The following FAM184B variants were observed in gnomAD, a reference collection of about 807,000 sequenced individuals.
FAM184B encodes protein FAM184B.
FAM184B carries 111 observed loss-of-function variants against 135.9 expected under a neutral mutation model. The ratio of observed to expected loss-of-function variants is 0.82; its 90% CI spans 0.70 to 0.96. FAM184B has a LOEUF of 0.96. Ranked by LOEUF, FAM184B falls within the 40% of genes least tolerant of loss-of-function variation. FAM184B has a pLI of 0.00. For synonymous variants in FAM184B, 552 were observed against 524.8 expected (o/e 1.05, Z -0.71); for missense variants, 1,375 against 1,323.9 (o/e 1.04, Z -0.60).
Position 17,685,410 on chromosome 4 carries a change from G to A in FAM184B, c.1596+3014C>T, listed in dbSNP as rs754498186. Among the ~76,000 whole-genome samples the A allele has an allele frequency of 1.3e-4, 19 of 151,598 alleles. No homozygotes were observed. The East Asian group carries it at 1.7e-3, about 14-fold the overall frequency. On this transcript the variant is annotated intron_variant, in intron 7 of 17. Coordinates refer to ENST00000265018, the MANE Select transcript of FAM184B (RefSeq NM_015688.2). ...CTAAAAATACAAAAATTAGTCGGGC[G>A]TGGTGGTGTGCGCCTATAGTCCCAG...
intron 1 of FAM184B, among the ~76,000 whole-genome samples, chr4:17,769,046 A>G (rs12642589): frequency 0.41 from 62,613 of 151,610 alleles, 13,886 homozygotes; most frequent in Middle Eastern, 0.51. Flanking sequence ...CAGGTGATCC[A>G]CCCGCCTTGG....
At chr4:17,779,379 A>G (rs938059668) in intron 1 of FAM184B, among the ~76,000 whole-genome samples, 1 of 152,250 alleles carries the variant, frequency 6.6e-6, no homozygotes. Flanking sequence ...AAAATGGTAA[A>G]CAGACGCACT....
chr4:17,647,480 C>A (rs1715500677), intron 12 of FAM184B, among the ~76,000 whole-genome samples, 157 bp downstream of exon 12: 2 of 152,044 alleles, frequency 1.3e-5, no homozygotes, highest in Non-Finnish European at 2.9e-5. Context: ...GAAATCCTGG[C>A]CTCAAGTGGT....
intron 7 of FAM184B, among the ~76,000 whole-genome samples, chr4:17,684,081 AT>A (rs545250112): frequency 0.017 from 412 of 24,294 alleles, 2 homozygotes; most frequent in African/African-American, 0.043. Flanking sequence ...AATAATAATA[AT>A]AATAGTAATT....
In FAM184B at chr4:17,762,033, TG is replaced by T. The variant is rs1187955750; in HGVS notation, c.141+19125del. Among the ~76,000 whole-genome samples the T allele has an allele frequency of 6.3e-3, 960 of 152,316 alleles. 10 individuals are homozygous for T. The highest frequency in any genetic ancestry group is 0.022 in the African/African-American group (919 of 41,544). On this transcript the variant is annotated intron_variant, in intron 1 of 17. Coordinates refer to ENST00000265018, the MANE Select transcript of FAM184B (RefSeq NM_015688.2). ...CAGGGCTCTTCATTTTGTTTTGTTT[TG>T]TTTTGTTTTGATATGTCCTTCTCTT... is the stretch of plus-strand genomic sequence containing the variant.
intron 7 of FAM184B, among the ~76,000 whole-genome samples, chr4:17,674,461 G>A (rs1716265508): frequency 6.6e-6 from 1 of 152,150 alleles, no homozygotes; most frequent in African/African-American, 2.4e-5. Context: ...TTTTTGCTGT[G>A]AAAGGTCTTG....
At chr4:17,632,972 A>C in intron 17 of FAM184B, 1 of 181,356 alleles carries the variant, frequency 5.5e-6, no homozygotes, top group Non-Finnish European at 1.2e-5. Flanking sequence ...CCCAGGCTGG[A>C]GTGCAGTGGC....
At chr4:17,647,866 T>TGG in intron 11 of FAM184B, 75 bp from the exon 12 acceptor site, 1 of 1,399,572 alleles carries the variant, frequency 7.1e-7, no homozygotes, top group Non-Finnish European at 9.6e-7. Context: ...CAACAGTCTC[T>TGG]GGGGTGGGGT....
intron 15 of FAM184B, 58 bp downstream of exon 15, chr4:17,636,470 G>A (rs548562323): frequency 5.2e-6 from 7 of 1,338,286 alleles, no homozygotes; most frequent in South Asian, 3.8e-5. Context: ...CGCCCCTCCC[G>A]GGGGAGCCCG....
rs1483918255 is a variant in FAM184B, at chr4:17,773,494, C to T, written c.141+7665G>A. Among the ~76,000 whole-genome samples the T allele has an allele frequency of 2.0e-5, 3 of 152,286 alleles. No individual in the cohort carries two copies. The East Asian group carries it at 5.8e-4, about 29-fold the overall frequency. Reference sequence around the variant, plus strand: ...CCTGGGTACATTTCCTCTAGTTGGTCCAGATGAGAGGTAGTGCCCTGGTAT... The same window carrying T: ...CCTGGGTACATTTCCTCTAGTTGGTTCAGATGAGAGGTAGTGCCCTGGTAT... On this transcript the variant is annotated intron_variant, in intron 1 of 17. Coordinates refer to ENST00000265018, the MANE Select transcript of FAM184B (RefSeq NM_015688.2).
intron 12 of FAM184B, among the ~76,000 whole-genome samples, chr4:17,644,350 A>G (rs1231031128): frequency 1.3e-5 from 2 of 152,194 alleles, no homozygotes; most frequent in Non-Finnish European, 2.9e-5. Context: ...AAGACTGGCA[A>G]ACCAAATCCA....
intron 5 of FAM184B, among the ~76,000 whole-genome samples, chr4:17,697,576 G>A (rs1473333006): frequency 1.3e-5 from 2 of 152,112 alleles, no homozygotes; most frequent in Non-Finnish European, 2.9e-5. Flanking sequence ...CAGCAGCAAG[G>A]CCATCCCTTC....
chr4:17,773,142 C>G (rs1028410754), intron 1 of FAM184B, among the ~76,000 whole-genome samples: 1 of 152,182 alleles, frequency 6.6e-6, no homozygotes, highest in Non-Finnish European at 1.5e-5. Context: ...CGATGTTGGA[C>G]AAGAATACTG....
Position 17,642,038 on chromosome 4 carries a change from G to T in FAM184B, c.2519+18C>A, listed in dbSNP as rs546335744. 5.6e-5 allele frequency: 85 copies of T among 1,518,234 alleles called. No individual in the cohort carries two copies. The South Asian group carries it at 7.2e-4, about 13-fold the overall frequency. 94.0% of individuals were successfully genotyped at this position (1,518,234 alleles called of 1,614,324 possible). A position where few individuals can be genotyped will look rare whatever the true frequency, so the allele number is the denominator to read the frequency against. On this transcript the variant is annotated intron_variant, in intron 13 of 17. Transcript: ENST00000265018. ...GGGGTGAGGGTGGCGCGGTGGCGGG[G>T]CGCGCCGGGTCACCCACCTGCGCTG...
chr4:17,750,085 G>C (rs778322103), intron 1 of FAM184B, among the ~76,000 whole-genome samples: 1 of 152,016 alleles, frequency 6.6e-6, no homozygotes, highest in African/African-American at 2.4e-5. Context: ...TCCTATTTTG[G>C]ATTTTTCCCT....
chr4:17,711,084 G>A (rs540366450), intron 1 of FAM184B, among the ~76,000 whole-genome samples: 155 of 152,246 alleles, frequency 1.0e-3, no homozygotes, highest in African/African-American at 3.6e-3. Context: ...CAGGCACAGT[G>A]GCTCATGCCT....
chr4:17,724,181 A>G (rs1717593266), intron 1 of FAM184B, among the ~76,000 whole-genome samples: 1 of 152,110 alleles, frequency 6.6e-6, no homozygotes, highest in Non-Finnish European at 1.5e-5. Flanking sequence ...CGACAAAGGA[A>G]AGGGTCAAGA....
intron 1 of FAM184B, among the ~76,000 whole-genome samples, chr4:17,745,973 T>C (rs1718151886): frequency 6.6e-6 from 1 of 152,190 alleles, no homozygotes; most frequent in Non-Finnish European, 1.5e-5. Context: ...TTTTTTTAAA[T>C]TTTGAAACAG....
At chr4:17,745,177 T>C (rs1346070124) in intron 1 of FAM184B, among the ~76,000 whole-genome samples, 2 of 152,218 alleles carry the variant, frequency 1.3e-5, no homozygotes, top group Non-Finnish European at 2.9e-5. Flanking sequence ...GGAGAGAGAA[T>C]GCCTTGCAGA....
Sources: allele counts gnomAD v4.1 joint callset (sites outside exome capture counted in the v4.1 genomes callset), GRCh38; gene constraint gnomAD v4.1.1; transcripts MANE v1.5; gene names NCBI Gene and HGNC (gene_info 2026-07-23, HGNC 2026-07-21).